TRPM3: variants seen among roughly 807,000 people sequenced by gnomAD.
TRPM3 encodes the protein transient receptor potential cation channel subfamily M member 3.
A neutral mutation model predicts 181.2 loss-of-function variants in TRPM3; 77 were observed. That is an observed-to-expected ratio of 0.42 (90% confidence interval 0.35 to 0.51). The LOEUF is 0.51. Among genes scored for constraint, TRPM3 ranks in the 20% least tolerant of loss-of-function variants. The pLI is 0.01. For synonymous variants in TRPM3, 745 were observed against 796.4 expected, an observed-to-expected ratio of 0.94 and a Z score of 1.09; for missense variants, 1,759 against 2,196.7, an observed-to-expected ratio of 0.80 and a Z score of 3.98.
At chr9:70,744,240 A>T (rs1490654593) in intron 8 of TRPM3, among the ~76,000 whole-genome samples, 3 of 152,024 alleles carry the variant, frequency 2.0e-5, no homozygotes, top group East Asian at 3.9e-4. Context: ...AGGCAGAAGA[A>T]TCACTTGAAC....
intron 1 of TRPM3, among the ~76,000 whole-genome samples, chr9:71,282,510 G>A (rs1364227913): frequency 2.0e-5 from 3 of 152,144 alleles, no homozygotes; most frequent in Non-Finnish European, 4.4e-5. Flanking sequence ...TTAAAAACAA[G>A]AGGTATGCCA....
intron 1 of TRPM3, among the ~76,000 whole-genome samples, chr9:71,072,568 T>C (rs1174329630): frequency 6.6e-6 from 1 of 152,138 alleles, no homozygotes; most frequent in Non-Finnish European, 1.5e-5. Flanking sequence ...GTGGGTCCAA[T>C]ATCACACAGT....
chr9:70,653,369 A>T (rs779240424), intron 9 of TRPM3, among the ~76,000 whole-genome samples: 9 of 152,036 alleles, frequency 5.9e-5, no homozygotes, highest in Middle Eastern at 3.2e-3. Flanking sequence ...ATGATGAGGG[A>T]GTTGCGGACC....
chr9:71,229,744 C>G (rs1186048080), intron 1 of TRPM3, among the ~76,000 whole-genome samples: 1 of 152,020 alleles, frequency 6.6e-6, no homozygotes, highest in Non-Finnish European at 1.5e-5. Flanking sequence ...TATCACCTCA[C>G]CCCAGTTAAA....
intron 6 of TRPM3, chr9:70,811,214 C>A (rs755872465): frequency 7.4e-6 from 12 of 1,612,020 alleles, no homozygotes; most frequent in Non-Finnish European, 1.0e-5. Context: ...ATAAAACAAG[C>A]GGGAGTCAAG....
intron 22 of TRPM3, among the ~76,000 whole-genome samples, chr9:70,562,642 G>C (rs1051602229): frequency 6.7e-6 from 1 of 149,522 alleles, no homozygotes. Flanking sequence ...GGGGGGAAGA[G>C]CGTCCTGGGG....
intron 1 of TRPM3, among the ~76,000 whole-genome samples, chr9:70,990,575 T>C (rs1740076551): frequency 6.6e-6 from 1 of 152,148 alleles, no homozygotes. Flanking sequence ...AATGTTTGCA[T>C]TAAAATGAAG....
chr9:70,879,254 A>G (rs934469892), intron 1 of TRPM3, among the ~76,000 whole-genome samples: 1 of 152,110 alleles, frequency 6.6e-6, no homozygotes, highest in Non-Finnish European at 1.5e-5. Context: ...CAGGAGAGGT[A>G]TCTGAGCTGG....
chr9:70,637,337 T>G (rs575237940), intron 11 of TRPM3, among the ~76,000 whole-genome samples: 2 of 152,334 alleles, frequency 1.3e-5, no homozygotes, highest in African/African-American at 4.8e-5. Flanking sequence ...TTAGCTATTA[T>G]TATTACTGAG....
chr9:70,900,155 A>T (rs927138636), intron 1 of TRPM3, among the ~76,000 whole-genome samples: 2 of 152,188 alleles, frequency 1.3e-5, no homozygotes, highest in African/African-American at 4.8e-5. Flanking sequence ...CAAGAAATAC[A>T]TCTCTAGAAA....
chr9:71,158,220 C>A (rs1328309963), intron 1 of TRPM3, among the ~76,000 whole-genome samples: 2 of 152,062 alleles, frequency 1.3e-5, no homozygotes, highest in Non-Finnish European at 2.9e-5. Flanking sequence ...CTAGTTGATT[C>A]CCCCAACAAC....
intron 1 of TRPM3, 107 bp downstream of exon 1, chr9:71,121,071 C>T (rs2073548920): frequency 1.9e-6 from 2 of 1,076,702 alleles, no homozygotes; most frequent in Admixed American, 4.5e-5. Flanking sequence ...GCCAGTACTG[C>T]ATGCATTTAG....
chr9:70,618,441 C>T (rs1436402199), intron 17 of TRPM3, among the ~76,000 whole-genome samples: 2 of 152,332 alleles, frequency 1.3e-5, no homozygotes, highest in Admixed American at 6.5e-5. Context: ...AAAGACCTCT[C>T]AAGCACATCT....
chr9:71,022,387 C>CA (rs774857339), intron 1 of TRPM3, among the ~76,000 whole-genome samples: 2 of 151,952 alleles, frequency 1.3e-5, no homozygotes, highest in Non-Finnish European at 2.9e-5. Context: ...ATGTGTCATA[C>CA]AAAAAAATAA....
At chr9:70,921,165 T>C (rs181498216) in intron 1 of TRPM3, among the ~76,000 whole-genome samples, 1 of 152,338 alleles carries the variant, frequency 6.6e-6, no homozygotes, top group East Asian at 1.9e-4. Context: ...ACTGTTCTTC[T>C]CTACACAGGT....
At chr9:70,920,143 C>T (rs962983947) in intron 1 of TRPM3, among the ~76,000 whole-genome samples, 3 of 152,148 alleles carry the variant, frequency 2.0e-5, no homozygotes, top group Non-Finnish European at 4.4e-5. Flanking sequence ...GGCTAAGGAC[C>T]AGTCTTTTTT....
intron 1 of TRPM3, among the ~76,000 whole-genome samples, chr9:71,057,552 T>C (rs1194708694): frequency 6.6e-6 from 1 of 152,072 alleles, no homozygotes; most frequent in East Asian, 1.9e-4. Flanking sequence ...ATGATTGCTA[T>C]TTAAAGAGTG....
intron 1 of TRPM3, among the ~76,000 whole-genome samples, chr9:71,222,326 GA>G (rs1458425601): frequency 6.6e-6 from 1 of 152,242 alleles, no homozygotes; most frequent in Non-Finnish European, 1.5e-5. Flanking sequence ...TCTTGTCACA[GA>G]AGAGTGATCA....
intron 4 of TRPM3, among the ~76,000 whole-genome samples, chr9:70,845,764 A>G (rs1442062403): frequency 6.6e-6 from 1 of 152,176 alleles, no homozygotes; most frequent in Non-Finnish European, 1.5e-5. Flanking sequence ...CACATTAAAA[A>G]TGTTCTGTAA....
Sources: gnomAD v4.1 joint callset for allele counts (sites outside exome capture counted in the v4.1 genomes callset) on GRCh38, gnomAD v4.1.1 for gene constraint, MANE v1.5 for transcripts, NCBI Gene and HGNC (gene_info 2026-07-23, HGNC 2026-07-21) for gene names.